The following IMMT variants were observed in gnomAD, a reference collection of about 807,000 sequenced individuals.
IMMT encodes MICOS complex subunit MIC60.
Under a neutral mutation model 92.7 loss-of-function variants are expected in IMMT, and 40 were observed. The ratio of observed to expected loss-of-function variants is 0.43; its 90% CI spans 0.34 to 0.56. The LOEUF (loss-of-function observed/expected upper bound fraction) is 0.56, where lower values mean the gene tolerates loss of function less well. Among genes scored for constraint, IMMT ranks in the 20% least tolerant of loss-of-function variants. The pLI, the probability that IMMT is intolerant of heterozygous loss-of-function variation, is 0.03. For missense variants in IMMT, 831 were observed against 912.1 expected (o/e 0.91, Z 1.14); for synonymous variants, 322 against 336.1 (o/e 0.96, Z 0.46).
chr2:86,147,990 C>T (rs549364448), intron 12 of IMMT, among the ~76,000 whole-genome samples, 157 bp from the exon 13 acceptor site: 15 of 152,290 alleles, frequency 9.8e-5, no homozygotes, highest in South Asian at 4.1e-4. Flanking sequence ...TCATGTGAAA[C>T]GGAAAACTAA....
chr2:86,190,007 G>A (rs1673018828), intron 1 of IMMT, among the ~76,000 whole-genome samples: 1 of 152,148 alleles, frequency 6.6e-6, no homozygotes, highest in Non-Finnish European at 1.5e-5. Flanking sequence ...GACAAAAGCA[G>A]GAACTTGACA....
At position 86,191,336 on chromosome 2, in the gene IMMT, C is replaced by A. The variant is rs563693039; in HGVS notation, c.45+4002G>T. Among the ~76,000 whole-genome samples, 139 of 137,820 alleles carry A rather than the reference C, an allele frequency of 1.0e-3. 2 individuals carry two copies. The highest frequency in any genetic ancestry group is 4.5e-3 in the South Asian group (19 of 4,252). The allele number at this position is 137,820 out of a possible 152,430, so 90.4% of individuals were successfully genotyped here. ...CTCCAGCCTGGGTGACAGAGCAAGA[C>A]CCTATCTCAAAAAAAAAAAAAAAAA... On this transcript the variant is annotated intron_variant, in intron 1 of 14. Transcript: ENST00000410111.
At chr2:86,155,136 T>C (rs1353810354) in intron 10 of IMMT, among the ~76,000 whole-genome samples, 1 of 152,202 alleles carries the variant, frequency 6.6e-6, no homozygotes, top group African/African-American at 2.4e-5. Context: ...GTGCTAGGAT[T>C]ATAGGCATAA....
intron 10 of IMMT, among the ~76,000 whole-genome samples, chr2:86,155,677 T>C (rs916491792): frequency 2.0e-5 from 3 of 152,072 alleles, no homozygotes; most frequent in Non-Finnish European, 4.4e-5. Flanking sequence ...TTTAGGGAAA[T>C]AATAAGAGCA....
Position 86,162,077 on chromosome 2 carries a change from A to G in IMMT, c.795T>C (p.Ile265=). Residue 265 remains isoleucine, a splice_region_variant and synonymous_variant, in exon 8 of 15, where the codon ATT becomes ATC. Transcript: ENST00000410111. ...ILKAAMDNSE[I]AGEKKSAQWR... ...ACTGAGCAGATTTCTTCTCGCCTGC[A>G]ATCTAAACAAAAAATTTTAATTATA... 6.4e-7 allele frequency: 1 copy of G among 1,560,618 alleles called. No homozygotes were observed. The highest frequency in any genetic ancestry group is 8.7e-7 in the Non-Finnish European group (1 of 1,155,858).
Position 86,179,519 on chromosome 2 carries a change from C to T in IMMT, c.223G>A (p.Val75Ile), listed in dbSNP as rs757436693. The change falls in exon 3 of 15, where the codon GTA (valine) becomes ATA (isoleucine). Residue 75 changes from valine (V) to isoleucine (I), a missense_variant. Val to Ile is a conservative substitution (Grantham distance 29). Coordinates refer to ENST00000410111, the MANE Select transcript of IMMT (RefSeq NM_006839.3). ...AKWDSHFRES[V>I]EKTIPYSDKL... The stretch of plus-strand genomic sequence containing the variant: ...TCTGAGTAAGGTATGGTTTTCTCTA[C>T]ACTTTCCCGGAAATGGGAATCCCAT... 1 of 1,613,384 alleles carries T rather than the reference C, an allele frequency of 6.2e-7. No individual in the cohort carries two copies. Among genetic ancestry groups the T allele is most frequent in the Admixed American group, 1.7e-5 (1 of 59,934 alleles).
intron 1 of IMMT, among the ~76,000 whole-genome samples, chr2:86,191,414 A>G (rs1425655826): frequency 6.6e-6 from 1 of 152,074 alleles, no homozygotes; most frequent in Non-Finnish European, 1.5e-5. Context: ...GGGCTCAAAA[A>G]CAACAAAAAG....
intron 3 of IMMT, among the ~76,000 whole-genome samples, chr2:86,177,674 T>C (rs981716556): frequency 2.6e-5 from 4 of 152,178 alleles, no homozygotes; most frequent in Admixed American, 2.6e-4. Context: ...ACAGGAATAG[T>C]ACAAGATATC....
intron 14 of IMMT, 88 bp downstream of exon 14, chr2:86,145,980 G>A: frequency 9.2e-7 from 1 of 1,091,628 alleles, no homozygotes; most frequent in Admixed American, 2.9e-5. Flanking sequence ...CCTGATGTCA[G>A]TACATGTACC....
intron 8 of IMMT, among the ~76,000 whole-genome samples, chr2:86,160,535 A>C (rs1400141524): frequency 6.6e-6 from 1 of 152,218 alleles, no homozygotes; most frequent in Non-Finnish European, 1.5e-5. Context: ...TAATGCCTTA[A>C]ATCTCCTAAA....
At chr2:86,176,954 T>C (rs1289283032) in intron 3 of IMMT, among the ~76,000 whole-genome samples, 11 of 152,200 alleles carry the variant, frequency 7.2e-5, no homozygotes, top group Admixed American at 7.2e-4. Context: ...TGCAAAATTA[T>C]CTCCCTCAGC....
chr2:86,166,390 C>T (rs1414650003), intron 7 of IMMT, 118 bp downstream of exon 7: 13 of 828,396 alleles, frequency 1.6e-5, no homozygotes, highest in East Asian at 1.1e-4. Context: ...GAGAGAAAGC[C>T]GATATCATAC....
chr2:86,190,714 G>A (rs914488853), intron 1 of IMMT, among the ~76,000 whole-genome samples: 2 of 152,230 alleles, frequency 1.3e-5, no homozygotes, highest in East Asian at 1.9e-4. Context: ...ACTGTGTCGG[G>A]TGCAGTGACT....
chr2:86,179,712 A>G, intron 2 of IMMT, 90 bp from the exon 3 acceptor site: 1 of 1,019,384 alleles, frequency 9.8e-7, no homozygotes, highest in East Asian at 2.8e-5. Context: ...GAAGACCTCT[A>G]GCCTCTACTT....
In IMMT at chr2:86,153,544, T is replaced by C; in HGVS notation, c.1177+16A>G. ...AAAACAAAAGACTTTAAACATGAAA[T>C]ATACATAACACTCACCTAAGTCTGA... is the stretch of plus-strand genomic sequence containing the variant. On this transcript the variant is annotated intron_variant, in intron 11 of 14. Coordinates refer to ENST00000410111, the MANE Select transcript of IMMT (RefSeq NM_006839.3). The C allele has an allele frequency of 7.0e-7, 1 of 1,432,156 alleles. No homozygotes were observed. The highest frequency in any genetic ancestry group is 9.4e-7 in the Non-Finnish European group (1 of 1,065,286). 88.7% of individuals were successfully genotyped at this position (1,432,156 alleles called of 1,614,324 possible).
chr2:86,169,912 T>C (rs1486164150), intron 6 of IMMT, among the ~76,000 whole-genome samples: 3 of 151,592 alleles, frequency 2.0e-5, no homozygotes, highest in Non-Finnish European at 4.4e-5. Flanking sequence ...AAAAAAACCA[T>C]AAAACTGAAA....
chr2:86,187,903 ACT>A (rs529756387), intron 1 of IMMT, among the ~76,000 whole-genome samples: 1,875 of 149,362 alleles, frequency 0.013, 40 homozygotes, highest in African/African-American at 0.044. Flanking sequence ...CAAGAGTGAA[ACT>A]CTGTCTCCAG....
chr2:86,171,303 G>A lies in IMMT; in HGVS notation c.464C>T (p.Thr155Ile). The change falls in exon 5 of 15, where the codon ACC becomes ATC. Residue 155 changes from threonine (T) to isoleucine (I), a missense_variant. Physicochemically the swap from Thr to Ile is moderately conservative, Grantham distance 89. Transcript: ENST00000410111. ...AACTGCAGGGGCTGGGACCGACAGG[G>A]TATCACCTGCTGCAGAAATAATTTG... is the stretch of plus-strand genomic sequence containing the variant. ...AAQIISAAGD[T>I]LSVPAPAVQP... 6.2e-7 allele frequency: 1 copy of A among 1,611,018 alleles called. No individual in the cohort carries two copies. The highest frequency in any genetic ancestry group is 8.5e-7 in the Non-Finnish European group (1 of 1,178,328).
intron 12 of IMMT, among the ~76,000 whole-genome samples, chr2:86,148,131 T>C (rs1675174009): frequency 6.6e-6 from 1 of 152,216 alleles, no homozygotes; most frequent in Admixed American, 6.5e-5. Flanking sequence ...AACACTGCCA[T>C]TTCCTGAATC....
Sources: gnomAD v4.1 joint callset for allele counts (sites outside exome capture counted in the v4.1 genomes callset) on GRCh38, gnomAD v4.1.1 for gene constraint, MANE v1.5 for transcripts, NCBI Gene and HGNC (gene_info 2026-07-23, HGNC 2026-07-21) for gene names.